The following FAT3 variants were observed in gnomAD, a reference collection of about 807,000 sequenced individuals.
The protein encoded by FAT3 is protocadherin Fat 3.
FAT3 carries 95 observed loss-of-function variants against 310.2 expected under a neutral mutation model. The observed-to-expected ratio is 0.31, with a 90% CI of 0.26 to 0.36. FAT3 has a LOEUF of 0.36. Among genes scored for constraint, FAT3 ranks in the 10% least tolerant of loss-of-function variants. FAT3 has a pLI of 1.00. For missense variants in FAT3, 5,408 were observed against 5,715.6 expected (o/e 0.95, Z 1.74); for synonymous variants, 2,314 against 2,192.9 (o/e 1.06, Z -1.54).
chr11:92,750,663 G>C (rs542512412), intron 4 of FAT3, among the ~76,000 whole-genome samples: 1 of 151,044 alleles, frequency 6.6e-6, no homozygotes, highest in Non-Finnish European at 1.5e-5. Context: ...TCTCTCTCCT[G>C]ATTTCTCTGA....
intron 2 of FAT3, among the ~76,000 whole-genome samples, chr11:92,465,492 C>T (rs1951735727): frequency 6.6e-6 from 1 of 152,114 alleles, no homozygotes; most frequent in African/African-American, 2.4e-5. Context: ...TTAATGATCG[C>T]CATTCTAACT....
At chr11:92,789,595 C>T (rs552257887) in intron 7 of FAT3, among the ~76,000 whole-genome samples, 1 of 152,196 alleles carries the variant, frequency 6.6e-6, no homozygotes, top group African/African-American at 2.4e-5. Flanking sequence ...ATAATAAGAA[C>T]TTAAGATAAT....
At position 92,349,176 on chromosome 11, in the gene FAT3, G is replaced by A. The variant is rs184306633; in HGVS notation, c.-17-2920G>A. On this transcript the variant is annotated intron_variant, in intron 1 of 27. Coordinates refer to ENST00000525166, the MANE Select transcript of FAT3 (RefSeq NM_001367949.2). ...CTTCTCAGCACAGGATAGTGAGTGG[G>A]AAATAAGGCAGAAACTTTATTTGTA... 3.9e-5 allele frequency among the ~76,000 whole-genome samples: 6 copies of A among 152,212 alleles called. 1 individual carries two copies. Among genetic ancestry groups the A allele is most frequent in the Admixed American group, 3.9e-4 (6 of 15,284 alleles).
chr11:92,476,458 T>A (rs1368456886), intron 2 of FAT3, among the ~76,000 whole-genome samples: 1 of 152,178 alleles, frequency 6.6e-6, no homozygotes, highest in African/African-American at 2.4e-5. Context: ...AGAATTTCCT[T>A]GGTCTTATCA....
At chr11:92,426,443 CTT>C (rs1029269860) in intron 2 of FAT3, among the ~76,000 whole-genome samples, 5 of 152,146 alleles carry the variant, frequency 3.3e-5, no homozygotes, top group Non-Finnish European at 7.4e-5. Flanking sequence ...GTCATGAAGT[CTT>C]TGCCCATGCC....
chr11:92,487,523 C>G (rs1952452590), intron 2 of FAT3, among the ~76,000 whole-genome samples: 1 of 152,148 alleles, frequency 6.6e-6, no homozygotes, highest in Non-Finnish European at 1.5e-5. Flanking sequence ...GTCAGACATA[C>G]AGATATAATG....
intron 1 of FAT3, among the ~76,000 whole-genome samples, chr11:92,329,006 A>G (rs1338824544): frequency 1.3e-5 from 2 of 152,180 alleles, no homozygotes; most frequent in Admixed American, 6.5e-5. Flanking sequence ...TTCAAACAAT[A>G]AAGAAGAATA....
chr11:92,362,104 G>A lies in FAT3; in HGVS notation c.3292+6700G>A, dbSNP rs537482137. 1.5e-4 allele frequency among the ~76,000 whole-genome samples: 23 copies of A among 152,288 alleles called. No homozygotes were observed. The East Asian group carries it at 4.1e-3, about 27-fold the overall frequency. On this transcript the variant is annotated intron_variant, in intron 2 of 27. Transcript: ENST00000525166. Reference sequence around the variant, plus strand: ...GAAAGACTCACAGGCCCGTGCCTATGCATTTACATTTACCTTTCTTTGCAC... The same window carrying A: ...GAAAGACTCACAGGCCCGTGCCTATACATTTACATTTACCTTTCTTTGCAC...
chr11:92,304,473 T>A (rs1453458009), intron 1 of FAT3, among the ~76,000 whole-genome samples: 1 of 152,134 alleles, frequency 6.6e-6, no homozygotes, highest in Admixed American at 6.6e-5. Context: ...TCCTCTGGAA[T>A]GAATACTCAT....
Position 92,356,092 on chromosome 11 carries a change from C to T in FAT3, c.3292+688C>T, listed in dbSNP as rs185356241. ...GGCAACATTGTTCCAGTATTTTCAT[C>T]GCTTCTGACTTACTTTTTAAATTAT... is the stretch of plus-strand genomic sequence containing the variant. On this transcript the variant is annotated intron_variant, in intron 2 of 27. Transcript: ENST00000525166. Among the ~76,000 whole-genome samples, 19 of 152,238 alleles carry T rather than the reference C, an allele frequency of 1.2e-4. No individual in the cohort carries two copies. The East Asian group carries it at 1.4e-3, about 11-fold the overall frequency.
At chr11:92,524,311 A>G (rs532439290) in intron 2 of FAT3, among the ~76,000 whole-genome samples, 12 of 151,554 alleles carry the variant, frequency 7.9e-5, no homozygotes, top group South Asian at 2.1e-4. Context: ...CCCTGGCCCA[A>G]CCTCTTCTCA....
intron 3 of FAT3, among the ~76,000 whole-genome samples, chr11:92,588,321 G>C (rs1209081531): frequency 6.6e-6 from 1 of 151,850 alleles, no homozygotes; most frequent in Non-Finnish European, 1.5e-5. Context: ...TGCTGTTCCA[G>C]GGCAGAGATG....
chr11:92,313,837 C>A (rs375842869), intron 1 of FAT3, among the ~76,000 whole-genome samples: 187 of 152,366 alleles, frequency 1.2e-3, no homozygotes, highest in African/African-American at 4.3e-3. Flanking sequence ...GGATGACAGG[C>A]ATGGGCCACC....
chr11:92,616,344 C>T lies in FAT3; in HGVS notation c.3608-81040C>T, dbSNP rs146194281. ...TCCATTTGCTTGGTACATCTTCCTC[C>T]GTCCCTTTATTTTGAGCCTGTGTGT... On this transcript the variant is annotated intron_variant, in intron 3 of 27. Transcript: ENST00000525166. Among the ~76,000 whole-genome samples, 645 of 148,152 alleles carry T rather than the reference C, an allele frequency of 4.4e-3. 2 individuals carry two copies. The highest frequency in any genetic ancestry group is 7.9e-3 in the Non-Finnish European group (534 of 67,534).
intron 13 of FAT3, among the ~76,000 whole-genome samples, chr11:92,827,197 C>T (rs573672389): frequency 2.6e-5 from 4 of 152,180 alleles, no homozygotes; most frequent in African/African-American, 7.2e-5. Flanking sequence ...AGCATTTAAC[C>T]GAATGGTATG....
At chr11:92,406,528 A>T (rs143247830) in intron 2 of FAT3, 91 of 152,266 alleles carry the variant, frequency 6.0e-4, no homozygotes, top group African/African-American at 2.0e-3. Context: ...TGCCTCCTAA[A>T]CTGGAGTAAC....
intron 3 of FAT3, among the ~76,000 whole-genome samples, chr11:92,609,720 G>T (rs531446973): frequency 2.6e-5 from 4 of 152,122 alleles, no homozygotes; most frequent in Non-Finnish European, 4.4e-5. Flanking sequence ...TAAACTAGAA[G>T]GATATAATAT....
At chr11:92,234,596 C>T (rs906519317) in intron 1 of FAT3, among the ~76,000 whole-genome samples, 5 of 151,986 alleles carry the variant, frequency 3.3e-5, no homozygotes, top group Non-Finnish European at 7.4e-5. Flanking sequence ...TAGTGAAACT[C>T]CGTCTCTACT....
chr11:92,858,539 G>A (rs1949041572), intron 20 of FAT3, among the ~76,000 whole-genome samples: 1 of 152,094 alleles, frequency 6.6e-6, no homozygotes, highest in African/African-American at 2.4e-5. Context: ...ACATAAAGTT[G>A]AAGGCAATTT....
Sources: allele counts gnomAD v4.1 joint callset (sites outside exome capture counted in the v4.1 genomes callset), GRCh38; gene constraint gnomAD v4.1.1; transcripts MANE v1.5; gene names NCBI Gene and HGNC (gene_info 2026-07-23, HGNC 2026-07-21).